The following WDR36 variants were observed in gnomAD, a reference collection of about 807,000 sequenced individuals.
WDR36 encodes WD repeat domain 36.
In WDR36, 63 loss-of-function variants were observed where a neutral mutation model predicts 112.7. The ratio of observed to expected loss-of-function variants is 0.56; its 90% CI spans 0.46 to 0.69. The LOEUF is 0.69. WDR36 is among the 30% of genes least tolerant of loss of function. WDR36 has a pLI of 0.00. For synonymous variants in WDR36, 410 were observed against 362.2 expected, an observed-to-expected ratio of 1.13 and a Z score of -1.50; for missense variants, 1,226 against 1,070.3, an observed-to-expected ratio of 1.15 and a Z score of -2.03.
At position 111,098,818 on chromosome 5, in the gene WDR36, A is replaced by G; in HGVS notation, c.388A>G (p.Ile130Val). The G allele has an allele frequency of 6.2e-7, 1 of 1,606,390 alleles. No homozygotes were observed. The highest frequency in any genetic ancestry group is 1.3e-5 in the African/African-American group (1 of 74,830). Residue 130 changes from isoleucine (I) to valine (V), a missense_variant, in exon 4 of 23, where the codon ATT (isoleucine) becomes GTT (valine). Transcript: ENST00000513710. ...TGTTGATACTGATGGCATTCTTATT[A>G]TTTGGCACATATATTCAGAAGGTAA... ...ISVDTDGILI[I>V]WHIYSEEEYL... is the part of the protein sequence containing the mutation.
chr5:111,118,670 A>T (rs1443450937), intron 16 of WDR36, among the ~76,000 whole-genome samples: 1 of 152,152 alleles, frequency 6.6e-6, no homozygotes, highest in African/African-American at 2.4e-5. Flanking sequence ...GATTTATTTT[A>T]AATGTTATAT....
At position 111,110,219 on chromosome 5, in the gene WDR36, G is replaced by T. The variant is rs371742632; in HGVS notation, c.1357G>T (p.Ala453Ser). The T allele has an allele frequency of 4.0e-5, 64 of 1,610,534 alleles. No homozygotes were observed. The highest frequency in any genetic ancestry group is 5.1e-5 in the Non-Finnish European group (60 of 1,177,540). ...AVDITSCGNF[A>S]VIGLSSGTVD... ...GGATATAACTTCTTGTGGAAACTTTGCTGTAATTGGCCTCTCATCAGGAAC... is the reference window on the plus strand; with the variant it reads ...GGATATAACTTCTTGTGGAAACTTTTCTGTAATTGGCCTCTCATCAGGAAC... Residue 453 changes from alanine (A) to serine (S), a missense_variant, in exon 13 of 23, where the codon GCT (alanine) becomes TCT (serine). By Grantham distance (99) the Ala-to-Ser change is moderately conservative. Transcript: ENST00000513710.
chr5:111,114,411 A>T (rs79083229), intron 16 of WDR36, among the ~76,000 whole-genome samples: 10 of 152,208 alleles, frequency 6.6e-5, no homozygotes, highest in Non-Finnish European at 1.3e-4. Context: ...AAGCTCATAC[A>T]TGAAAACAGT....
chr5:111,110,951 C>G lies in WDR36; in HGVS notation c.1605C>G (p.Asp535Glu). 6.2e-7 allele frequency: 1 copy of G among 1,610,834 alleles called. No individual in the cohort carries two copies. The highest frequency in any genetic ancestry group is 1.1e-5 in the South Asian group (1 of 90,988). The part of the protein sequence containing the change: ...SSPNIMLLHR[D>E]SGILGLALDD... ...CAAATATCATGTTGCTACATAGGGA[C>G]AGGTAAACTTTTAATGATAATGGAT... Residue 535 changes from aspartate to glutamate, a missense_variant and splice_region_variant, in exon 14 of 23, where the codon GAC becomes GAG. Physicochemically the swap from Asp to Glu is conservative, Grantham distance 45 (BLOSUM62 2). Coordinates refer to ENST00000513710, the MANE Select transcript of WDR36 (RefSeq NM_139281.3).
intron 21 of WDR36, 32 bp downstream of exon 21, chr5:111,124,221 A>G (rs1580405609): frequency 6.5e-7 from 1 of 1,540,628 alleles, no homozygotes; most frequent in Non-Finnish European, 8.9e-7. Flanking sequence ...TTTAACTAAT[A>G]TATTTAGCTT....
chr5:111,092,756 C>A (rs1317549616), intron 1 of WDR36, 138 bp downstream of exon 1: 1 of 1,157,014 alleles, frequency 8.6e-7, no homozygotes, highest in Non-Finnish European at 1.2e-6. Context: ...ATTAATATTT[C>A]GCCATCCGGT....
At chr5:111,109,813 G>T (rs1315652940) in intron 12 of WDR36, among the ~76,000 whole-genome samples, 1 of 151,240 alleles carries the variant, frequency 6.6e-6, no homozygotes, top group Non-Finnish European at 1.5e-5. Flanking sequence ...TGTGGAAGCA[G>T]TTACAAAAGG....
rs1343864383 is a variant in WDR36 at position 111,129,515 on chromosome 5, A to G, written c.*2632A>G. The G allele has an allele frequency of 1.5e-5, 3 of 196,424 alleles. No individual in the cohort carries two copies. Among genetic ancestry groups the G allele is most frequent in the African/African-American group, 2.3e-5 (1 of 43,346 alleles). 12.2% of individuals were successfully genotyped at this position (196,424 alleles called of 1,614,324 possible). ...TTTGTATGTTTATTTTAGAACATAT[A>G]AACATTTGTTAATTTTCTTTTTCCT... On this transcript the variant is annotated 3_prime_UTR_variant, in exon 23 of 23. Coordinates refer to ENST00000513710, the MANE Select transcript of WDR36 (RefSeq NM_139281.3).
At chr5:111,124,572 A>G (rs1343932250) in intron 21 of WDR36, among the ~76,000 whole-genome samples, 1 of 152,164 alleles carries the variant, frequency 6.6e-6, no homozygotes, top group Non-Finnish European at 1.5e-5. Context: ...TTTGTAATTC[A>G]GCGGACTGCT....
chr5:111,103,720 G>A lies in WDR36; in HGVS notation c.598-66G>A, dbSNP rs554147658. Reference sequence around the variant, plus strand: ...TTTTGATAACACCTAATAATGATGCGTATCATCAGGATTATTAAAGCTATT... The same window carrying A: ...TTTTGATAACACCTAATAATGATGCATATCATCAGGATTATTAAAGCTATT... On this transcript the variant is annotated intron_variant, in intron 6 of 22. Transcript: ENST00000513710. 1.5e-4 allele frequency: 239 copies of A among 1,579,952 alleles called. 1 individual carries two copies. Among genetic ancestry groups the A allele is most frequent in the African/African-American group, 9.3e-4 (69 of 74,218 alleles).
chr5:111,100,132 GT>G (rs895532450), intron 4 of WDR36, among the ~76,000 whole-genome samples: 6 of 151,666 alleles, frequency 4.0e-5, no homozygotes, highest in African/African-American at 1.2e-4. Flanking sequence ...ACTGAGGTGT[GT>G]CTTTTATTTT....
chr5:111,105,710 T>C (rs903750889), intron 10 of WDR36, among the ~76,000 whole-genome samples: 15 of 151,402 alleles, frequency 9.9e-5, no homozygotes, highest in African/African-American at 3.6e-4. Context: ...TATTTTTGCT[T>C]TAAAGCAATC....
At chr5:111,093,727 G>T (rs537740265) in intron 1 of WDR36, among the ~76,000 whole-genome samples, 1 of 152,326 alleles carries the variant, frequency 6.6e-6, no homozygotes, top group African/African-American at 2.4e-5. Flanking sequence ...CTTTGGTACA[G>T]TGTCTTTCCT....
In WDR36 at chr5:111,128,762, A is replaced by G; in HGVS notation, c.*1879A>G. On this transcript the variant is annotated 3_prime_UTR_variant, in exon 23 of 23. Transcript: ENST00000513710. Reference sequence around the variant, plus strand: ...ACTGTTTCCATCAAGGGAGGGAAAGAAATAGAAAATATAATTTTATCTATA... The same window carrying G: ...ACTGTTTCCATCAAGGGAGGGAAAGGAATAGAAAATATAATTTTATCTATA... 1 of 182,036 alleles carries G rather than the reference A, an allele frequency of 5.5e-6. No individual in the cohort carries two copies. The highest frequency in any genetic ancestry group is 9.0e-5 in the East Asian group (1 of 11,156). The allele number at this position is 182,036 out of a possible 1,614,324, so 11.3% of individuals were successfully genotyped here.
In WDR36 at chr5:111,100,990, A is replaced by G. The variant is rs1753110817; in HGVS notation, c.542+269A>G. On this transcript the variant is annotated intron_variant, in intron 5 of 22. Coordinates refer to ENST00000513710, the MANE Select transcript of WDR36 (RefSeq NM_139281.3). The stretch of plus-strand genomic sequence containing the variant: ...GCTATTTACATAGTATTTACATTAT[A>G]TTAGGTCTTATAAGTAAGCTAGAGA... 2.0e-5 allele frequency among the ~76,000 whole-genome samples: 3 copies of G among 152,106 alleles called. No homozygotes were observed. The South Asian group carries it at 6.2e-4, about 31-fold the overall frequency.
chr5:111,122,976 G>T (rs1245373284), intron 19 of WDR36, among the ~76,000 whole-genome samples: 3 of 152,082 alleles, frequency 2.0e-5, no homozygotes, highest in Non-Finnish European at 2.9e-5. Flanking sequence ...CAGGCATGTT[G>T]TACGTGCCTG....
intron 8 of WDR36, 67 bp from the exon 9 acceptor site, chr5:111,104,630 G>C: frequency 6.2e-7 from 1 of 1,607,924 alleles, no homozygotes; most frequent in South Asian, 1.1e-5. Context: ...TTATGTAGGG[G>C]GTGATTTGAC....
At position 111,106,025 on chromosome 5, in the gene WDR36, G is replaced by A. The variant is rs775376474; in HGVS notation, c.1094-32G>A. On this transcript the variant is annotated intron_variant, in intron 10 of 22. Coordinates refer to ENST00000513710, the MANE Select transcript of WDR36 (RefSeq NM_139281.3). ...CACTTTTTATTAAGAAGGATTCATA[G>A]CTATGTATGTTCCCCTTTCCCCCAT... 16 of 1,493,260 alleles carry A rather than the reference G, an allele frequency of 1.1e-5. No individual in the cohort carries two copies. In the South Asian group the frequency reaches 1.5e-4, roughly 14 times the overall value. 92.5% of individuals were successfully genotyped at this position (1,493,260 alleles called of 1,614,324 possible).
intron 18 of WDR36, 35 bp from the exon 19 acceptor site, chr5:111,120,961 A>C: frequency 6.3e-7 from 1 of 1,575,666 alleles, no homozygotes; most frequent in Non-Finnish European, 8.7e-7. Flanking sequence ...TTATATGATA[A>C]AAATCTTTTG....
Sources: gnomAD v4.1 joint callset for allele counts (sites outside exome capture counted in the v4.1 genomes callset) on GRCh38, gnomAD v4.1.1 for gene constraint, MANE v1.5 for transcripts, NCBI Gene and HGNC (gene_info 2026-07-23, HGNC 2026-07-21) for gene names.